CNTNAP2: variants seen among roughly 807,000 people sequenced by gnomAD.
CNTNAP2 encodes the protein contactin associated protein 2.
A neutral mutation model predicts 155.2 loss-of-function variants in CNTNAP2; 98 were observed. The observed-to-expected ratio is 0.63, with a 90% CI of 0.54 to 0.75. The LOEUF is 0.75. Ranked by LOEUF, CNTNAP2 falls within the 30% of genes least tolerant of loss-of-function variation. The pLI, the probability that CNTNAP2 is intolerant of heterozygous loss-of-function variation, is 0.00. For synonymous variants in CNTNAP2, 651 were observed against 631.2 expected (o/e 1.03, Z -0.47); for missense variants, 1,727 against 1,688.1 (o/e 1.02, Z -0.40).
In CNTNAP2 at chr7:147,713,160, T is replaced by C. The variant is rs1796427865; in HGVS notation, c.2098+73854T>C. Reference sequence around the variant, plus strand: ...TGAGGCTGCATCCCATTTTTTTCTTTTGTGTTTTTTTAATTGAAGTGAAAT... The same window carrying C: ...TGAGGCTGCATCCCATTTTTTTCTTCTGTGTTTTTTTAATTGAAGTGAAAT... On this transcript the variant is annotated intron_variant, in intron 13 of 23. Coordinates refer to ENST00000361727, the MANE Select transcript of CNTNAP2 (RefSeq NM_014141.6). Among the ~76,000 whole-genome samples, 4 of 152,256 alleles carry C rather than the reference T, an allele frequency of 2.6e-5. No individual in the cohort carries two copies. In the South Asian group the frequency reaches 8.3e-4, roughly 32 times the overall value.
chr7:147,949,458 A>ATATATATATATATATT (rs1433579404), intron 14 of CNTNAP2, among the ~76,000 whole-genome samples: 161 of 137,374 alleles, frequency 1.2e-3, no homozygotes, highest in Non-Finnish European at 2.1e-3. Flanking sequence ...ATATATATAT[A>ATATATATATATATATT]TTTTTTTTTT....
intron 1 of CNTNAP2, among the ~76,000 whole-genome samples, chr7:146,337,013 G>A (rs1348216324): frequency 6.6e-6 from 1 of 152,126 alleles, no homozygotes; most frequent in Non-Finnish European, 1.5e-5. Context: ...CCTTACACAT[G>A]TGATTAACTG....
intron 3 of CNTNAP2, among the ~76,000 whole-genome samples, chr7:146,991,900 G>A (rs1211561585): frequency 1.3e-5 from 2 of 152,184 alleles, no homozygotes; most frequent in East Asian, 3.9e-4. Flanking sequence ...AGTTCGCTAA[G>A]AAGAAATTAC....
intron 1 of CNTNAP2, among the ~76,000 whole-genome samples, chr7:146,422,967 C>A (rs575021027): frequency 6.6e-6 from 1 of 152,138 alleles, no homozygotes; most frequent in Non-Finnish European, 1.5e-5. Flanking sequence ...GTCTTCAGCT[C>A]TCTGTATTTT....
At chr7:146,989,146 G>A (rs532618923) in intron 3 of CNTNAP2, among the ~76,000 whole-genome samples, 2 of 152,260 alleles carry the variant, frequency 1.3e-5, no homozygotes, top group East Asian at 3.9e-4. Flanking sequence ...AAGTATGCAG[G>A]AGGTTTAGCG....
At chr7:148,061,137 A>T (rs1803121424) in intron 15 of CNTNAP2, among the ~76,000 whole-genome samples, 1 of 152,238 alleles carries the variant, frequency 6.6e-6, no homozygotes, top group South Asian at 2.1e-4. Flanking sequence ...TATAGGTTAA[A>T]GGTTTTTAAA....
chr7:147,674,066 T>C (rs1195578827), intron 13 of CNTNAP2, among the ~76,000 whole-genome samples: 2 of 152,148 alleles, frequency 1.3e-5, no homozygotes, highest in Non-Finnish European at 2.9e-5. Flanking sequence ...ATTGTAGCTA[T>C]GACCGTGACG....
chr7:146,963,099 C>T (rs1479638426), intron 3 of CNTNAP2: 1 of 152,170 alleles, frequency 6.6e-6, no homozygotes, highest in East Asian at 1.9e-4. Flanking sequence ...CACTTGATAC[C>T]TCACCACGGA....
At chr7:148,206,789 T>C (rs1329499706) in intron 18 of CNTNAP2, among the ~76,000 whole-genome samples, 1 of 152,230 alleles carries the variant, frequency 6.6e-6, no homozygotes, top group African/African-American at 2.4e-5. Context: ...ACCATGCTGC[T>C]GCATTCCTCA....
intron 3 of CNTNAP2, among the ~76,000 whole-genome samples, chr7:146,958,366 A>G (rs1311578724): frequency 6.6e-6 from 1 of 150,720 alleles, no homozygotes; most frequent in Non-Finnish European, 1.5e-5. Context: ...TTTTTTTAAA[A>G]CTACGCTGAT....
chr7:148,087,098 T>A (rs1803747661), intron 15 of CNTNAP2, among the ~76,000 whole-genome samples: 1 of 152,156 alleles, frequency 6.6e-6, no homozygotes, highest in Admixed American at 6.6e-5. Context: ...GTCCTCCTCC[T>A]CAGAACACGT....
At chr7:147,198,510 G>T (rs1802854159) in intron 8 of CNTNAP2, among the ~76,000 whole-genome samples, 1 of 152,180 alleles carries the variant, frequency 6.6e-6, no homozygotes, top group South Asian at 2.1e-4. Flanking sequence ...GGGATTACAG[G>T]TGTGAGCCAC....
At position 147,061,982 on chromosome 7, in the gene CNTNAP2, G is replaced by A. The variant is rs1799685955; in HGVS notation, c.550+17928G>A. Among the ~76,000 whole-genome samples, 4 of 150,958 alleles carry A rather than the reference G, an allele frequency of 2.6e-5. No individual in the cohort carries two copies. The South Asian group carries it at 8.4e-4, about 32-fold the overall frequency. On this transcript the variant is annotated intron_variant, in intron 4 of 23. Transcript: ENST00000361727. Reference sequence around the variant, plus strand: ...TCTCTACTAAAAATACAAAAATTTAGCCAGGCGTGGTGGCGGGCGCCTGTA... The same window carrying A: ...TCTCTACTAAAAATACAAAAATTTAACCAGGCGTGGTGGCGGGCGCCTGTA...
intron 13 of CNTNAP2, chr7:147,894,125 T>C (rs1364116491): frequency 6.6e-6 from 1 of 152,240 alleles, no homozygotes; most frequent in African/African-American, 2.4e-5. Context: ...TTTCTTGTTA[T>C]CTAGGACATT....
chr7:146,316,147 A>T (rs940809667), intron 1 of CNTNAP2, among the ~76,000 whole-genome samples: 1 of 152,116 alleles, frequency 6.6e-6, no homozygotes, highest in Admixed American at 6.6e-5. Flanking sequence ...TTATCAAGTC[A>T]TCTGTAATTG....
At chr7:146,438,395 C>T (rs1288725071) in intron 1 of CNTNAP2, among the ~76,000 whole-genome samples, 3 of 150,516 alleles carry the variant, frequency 2.0e-5, no homozygotes, top group Non-Finnish European at 2.9e-5. Context: ...ATTTCATTAT[C>T]CTTTTTAGCA....
intron 3 of CNTNAP2, among the ~76,000 whole-genome samples, chr7:147,013,080 C>A (rs1798656500): frequency 6.6e-6 from 1 of 152,014 alleles, no homozygotes; most frequent in Admixed American, 6.6e-5. Context: ...AAAAATAATT[C>A]AATGTGTTTT....
At chr7:146,657,615 A>G (rs1027565700) in intron 1 of CNTNAP2, among the ~76,000 whole-genome samples, 1 of 151,900 alleles carries the variant, frequency 6.6e-6, no homozygotes, top group Non-Finnish European at 1.5e-5. Flanking sequence ...TGACCCTCTT[A>G]TCTTTGAATA....
intron 1 of CNTNAP2, among the ~76,000 whole-genome samples, chr7:146,596,349 A>C (rs952106189): frequency 6.6e-6 from 1 of 151,950 alleles, no homozygotes; most frequent in African/African-American, 2.4e-5. Context: ...CAGAAGCACA[A>C]TGTCAGGTGA....
Sources: allele counts gnomAD v4.1 joint callset (sites outside exome capture counted in the v4.1 genomes callset), GRCh38; gene constraint gnomAD v4.1.1; transcripts MANE v1.5; gene names NCBI Gene and HGNC (gene_info 2026-07-23, HGNC 2026-07-21).